ABCC5: variants seen among roughly 807,000 people sequenced by gnomAD.
ABCC5 encodes the protein ATP-binding cassette sub-family C member 5.
A neutral mutation model predicts 160.9 loss-of-function variants in ABCC5; 61 were observed. The ratio of observed to expected loss-of-function variants is 0.38; its 90% CI spans 0.31 to 0.47. The LOEUF (loss-of-function observed/expected upper bound fraction) is 0.47, where lower values mean the gene tolerates loss of function less well. Ranked by LOEUF, ABCC5 falls within the 20% of genes least tolerant of loss-of-function variation. The pLI is 0.99. For synonymous variants in ABCC5, 666 were observed against 700.6 expected, an observed-to-expected ratio of 0.95 and a Z score of 0.78; for missense variants, 1,308 against 1,813.3, an observed-to-expected ratio of 0.72 and a Z score of 5.06.
intron 26 of ABCC5, among the ~76,000 whole-genome samples, chr3:183,936,653 G>A (rs1328064662): frequency 1.3e-5 from 2 of 151,994 alleles, no homozygotes; most frequent in African/African-American, 2.4e-5. Flanking sequence ...GACTACAGGC[G>A]CCCACCACCA....
At position 183,951,785 on chromosome 3, in the gene ABCC5, T is replaced by C. The variant is rs1715374511; in HGVS notation, c.2814+72A>G. ...GGGAGCTCCCCTACTCAGCATGAACTGAGAGACGCCACACCAAAGCCTGAC... is the reference window on the plus strand; with the variant it reads ...GGGAGCTCCCCTACTCAGCATGAACCGAGAGACGCCACACCAAAGCCTGAC... On this transcript the variant is annotated intron_variant, in intron 19 of 29. Coordinates refer to ENST00000334444, the MANE Select transcript of ABCC5 (RefSeq NM_005688.4). The surrounding 1 kb of genome is among the most constrained non-coding windows in gnomAD (Gnocchi z 4.7). The C allele has an allele frequency of 1.9e-6, 3 of 1,572,180 alleles. No homozygotes were observed. The highest frequency in any genetic ancestry group is 8.6e-7 in the Non-Finnish European group (1 of 1,156,112).
At chr3:183,922,283 A>G (rs1712075394) in intron 29 of ABCC5, among the ~76,000 whole-genome samples, 2 of 152,200 alleles carry the variant, frequency 1.3e-5, no homozygotes, top group South Asian at 2.1e-4. Flanking sequence ...GAGGCAGGAG[A>G]ATCGCTGGAA....
At position 183,987,818 on chromosome 3, in the gene ABCC5, C is replaced by T. The variant is rs765167967; in HGVS notation, c.543G>A (p.Leu181=). 1 of 1,613,942 alleles carries T rather than the reference C, an allele frequency of 6.2e-7. No homozygotes were observed. The highest frequency in any genetic ancestry group is 8.5e-7 in the Non-Finnish European group (1 of 1,179,984). Residue 181 remains leucine (L), a synonymous_variant, in exon 5 of 30, where the codon CTG becomes CTA. Coordinates refer to ENST00000334444, the MANE Select transcript of ABCC5 (RefSeq NM_005688.4). The surrounding 1 kb of genome is among the most constrained non-coding windows in gnomAD (Gnocchi z 4.2). ...GCGTGATCATCAGGCACACGATGGA[C>T]AGGATGAGCCTGGTGCGGCAGAAGA... The part of the protein sequence containing the change: ...VWIFCRTRLI[L]SIVCLMITQL...
Position 183,971,777 on chromosome 3 carries a change from A to G in ABCC5, c.1547T>C (p.Met516Thr). 1 of 1,613,646 alleles carries G rather than the reference A, an allele frequency of 6.2e-7. No homozygotes were observed. The highest frequency in any genetic ancestry group is 1.3e-5 in the African/African-American group (1 of 74,868). The change falls in exon 11 of 30, where the codon ATG becomes ACG. Residue 516 changes from methionine (M) to threonine (T), a missense_variant. Met to Thr is a moderately conservative substitution (Grantham distance 81). Around this residue, in one of 3 missense-constraint regions of ABCC5, gnomAD observed 1,142 missense variants for 1,527.1 expected, o/e 0.75. Coordinates refer to ENST00000334444, the MANE Select transcript of ABCC5 (RefSeq NM_005688.4). ...IQNSPKLTPK[M>T]KKDKRASRGK... is the part of the protein sequence containing the mutation. ...CCTGGAAGCCCTCTTGTCTTTTTTCATTTTGGGGGTCAGCTTGGGCGAGTT... is the reference window on the plus strand; with the variant it reads ...CCTGGAAGCCCTCTTGTCTTTTTTCGTTTTGGGGGTCAGCTTGGGCGAGTT...
At chr3:183,941,737 C>T (rs888615314) in intron 25 of ABCC5, among the ~76,000 whole-genome samples, 1 of 152,076 alleles carries the variant, frequency 6.6e-6, no homozygotes, top group Non-Finnish European at 1.5e-5. Flanking sequence ...GTAATCCCAG[C>T]ACTTTCAGAG....
Position 183,949,242 on chromosome 3 carries a change from C to A in ABCC5, c.3227+511G>T, listed in dbSNP as rs1456964485. Among the ~76,000 whole-genome samples, 1 of 152,212 alleles carries A rather than the reference C, an allele frequency of 6.6e-6. No homozygotes were observed. The highest frequency in any genetic ancestry group is 2.4e-5 in the African/African-American group (1 of 41,456). ...GTTCCAATCTCTTATTAATACAAAGCTCCACAATGACAATGCACATAAGTT... is the reference window on the plus strand; with the variant it reads ...GTTCCAATCTCTTATTAATACAAAGATCCACAATGACAATGCACATAAGTT... On this transcript the variant is annotated intron_variant, in intron 22 of 29. Coordinates refer to ENST00000334444, the MANE Select transcript of ABCC5 (RefSeq NM_005688.4). The surrounding 1 kb of genome is among the most constrained non-coding windows in gnomAD (Gnocchi z 4.2).
chr3:183,990,761 A>T (rs1719690597), intron 2 of ABCC5, among the ~76,000 whole-genome samples: 1 of 152,212 alleles, frequency 6.6e-6, no homozygotes, highest in African/African-American at 2.4e-5. Context: ...AAGTGTATAA[A>T]TGTTCGTTCA....
chr3:183,956,402 A>G (rs1246109694), intron 17 of ABCC5, among the ~76,000 whole-genome samples: 6 of 151,054 alleles, frequency 4.0e-5, no homozygotes, highest in East Asian at 2.0e-4. Flanking sequence ...GGTTACATGC[A>G]GATCCGTGTG....
At position 183,953,465 on chromosome 3, in the gene ABCC5, G is replaced by A. The variant is rs995807257; in HGVS notation, c.2483-195C>T. Among the ~76,000 whole-genome samples, 4 of 152,120 alleles carry A rather than the reference G, an allele frequency of 2.6e-5. 1 individual carries two copies. Among genetic ancestry groups the A allele is most frequent in the Non-Finnish European group, 5.9e-5 (4 of 68,022 alleles). ...TACCACAAACCAGACCCAGGATGAA[G>A]CCCAGGAGCAGCAAAGAGGATGAAG... On this transcript the variant is annotated intron_variant, in intron 17 of 29. Transcript: ENST00000334444.
In ABCC5 at chr3:183,953,996, C is replaced by T. The variant is rs186764095; in HGVS notation, c.2483-726G>A. 2.0e-3 allele frequency among the ~76,000 whole-genome samples: 310 copies of T among 152,344 alleles called. 1 individual carries two copies. Among genetic ancestry groups the T allele is most frequent in the African/African-American group, 7.0e-3 (290 of 41,578 alleles). On this transcript the variant is annotated intron_variant, in intron 17 of 29. Transcript: ENST00000334444. ...GGACCTGGGATGGCTGATATTGCCA[C>T]ACCAGCTGCCTCTGGGAGCGAGCAG...
At position 183,946,866 on chromosome 3, in the gene ABCC5, C is replaced by T. The variant is rs1714893063; in HGVS notation, c.3414+458G>A. 2.0e-5 allele frequency among the ~76,000 whole-genome samples: 3 copies of T among 152,106 alleles called. No homozygotes were observed. In the South Asian group the frequency reaches 6.2e-4, roughly 32 times the overall value. ...ATTCTCTGAGCTATTTGAAGACCCT[C>T]AATCACCCCTAGGGGCTAGAAGGTT... On this transcript the variant is annotated intron_variant, in intron 23 of 29. Coordinates refer to ENST00000334444, the MANE Select transcript of ABCC5 (RefSeq NM_005688.4).
At chr3:183,939,976 C>T (rs1407800620) in intron 25 of ABCC5, among the ~76,000 whole-genome samples, 1 of 152,140 alleles carries the variant, frequency 6.6e-6, no homozygotes, top group Non-Finnish European at 1.5e-5. Context: ...CCAGTGTCTA[C>T]AGCCACGACC....
intron 2 of ABCC5, chr3:184,001,087 T>A: frequency 2.4e-6 from 1 of 410,066 alleles, no homozygotes; most frequent in Admixed American, 4.2e-5. Context: ...ACCCCATCAC[T>A]ATAAAAAATT....
At chr3:184,015,970 G>T (rs1722159556) in intron 1 of ABCC5, among the ~76,000 whole-genome samples, 1 of 152,202 alleles carries the variant, frequency 6.6e-6, no homozygotes, top group African/African-American at 2.4e-5. Context: ...AAAAGGTGGG[G>T]GTTGGGGCGG....
chr3:183,943,493 G>A (rs1375511762), intron 24 of ABCC5, among the ~76,000 whole-genome samples: 3 of 152,276 alleles, frequency 2.0e-5, no homozygotes, highest in East Asian at 3.9e-4. Flanking sequence ...TGTGGGGACT[G>A]GATTAGATGA....
intron 2 of ABCC5, among the ~76,000 whole-genome samples, chr3:183,998,227 C>T (rs1309420492): frequency 1.3e-5 from 2 of 152,040 alleles, no homozygotes; most frequent in Admixed American, 6.6e-5. Flanking sequence ...CCCAGTTTGC[C>T]CCAATTAACT....
In ABCC5 at chr3:183,951,567, T is replaced by C; in HGVS notation, c.2818A>G (p.Thr940Ala). 6.2e-7 allele frequency: 1 copy of C among 1,614,096 alleles called. No individual in the cohort carries two copies. Among genetic ancestry groups the C allele is most frequent in the African/African-American group, 1.3e-5 (1 of 75,058 alleles). Residue 940 changes from threonine (T) to alanine (A), a missense_variant, in exon 20 of 30, where the codon ACG (threonine) becomes GCG (alanine). Transcript: ENST00000334444. This position sits in a 1 kb window ranked among gnomAD's most constrained non-coding sequence, Gnocchi z 4.7. ...TGCAGCCGGGAGGAAGCTCGCAGCG[T>C]GCCCTGAGGAGCAGAGCACAGAGTG... ...AIRGVVFVKGTLRASSRLHDE... is the reference protein window; with the variant it reads ...AIRGVVFVKGALRASSRLHDE...
intron 24 of ABCC5, among the ~76,000 whole-genome samples, chr3:183,944,248 G>A (rs1229912572): frequency 6.6e-6 from 1 of 152,088 alleles, no homozygotes; most frequent in African/African-American, 2.4e-5. Context: ...ACAAAAATGA[G>A]CTGGGCCTAG....
intron 5 of ABCC5, chr3:183,985,349 T>C: frequency 6.2e-7 from 1 of 1,614,146 alleles, no homozygotes; most frequent in African/African-American, 1.3e-5. Flanking sequence ...TCTCTCATTC[T>C]GACCGCAGAA....
Sources: gnomAD v4.1 joint callset for allele counts (sites outside exome capture counted in the v4.1 genomes callset) on GRCh38, gnomAD v4.1.1 for gene constraint, gnomAD v4.1.1 regional missense constraint, Gnocchi (gnomAD v3.1) non-coding constraint, MANE v1.5 for transcripts, NCBI Gene and HGNC (gene_info 2026-07-23, HGNC 2026-07-21) for gene names.